SIGLEC5: variants seen among roughly 807,000 people sequenced by gnomAD.
The protein encoded by SIGLEC5 is sialic acid binding Ig like lectin 5, also known as sialic acid-binding Ig-like lectin 5.
SIGLEC5 carries 34 observed loss-of-function variants against 45.9 expected under a neutral mutation model. The ratio of observed to expected loss-of-function variants is 0.74; its 90% CI spans 0.56 to 0.99. The LOEUF (loss-of-function observed/expected upper bound fraction) is 0.99. Ranked by LOEUF, SIGLEC5 falls within the 50% of genes least tolerant of loss-of-function variation. The pLI, the probability that SIGLEC5 is intolerant of heterozygous loss-of-function variation, is 0.00. For synonymous variants in SIGLEC5, 203 were observed against 258.6 expected, an observed-to-expected ratio of 0.79 and a Z score of 2.06; for missense variants, 508 against 629.6, an observed-to-expected ratio of 0.81 and a Z score of 2.07.
intron 8 of SIGLEC5, among the ~76,000 whole-genome samples, chr19:51,615,836 G>T (rs905389546): frequency 1.3e-5 from 2 of 152,186 alleles, no homozygotes; most frequent in Admixed American, 6.5e-5. Flanking sequence ...GAGTGCAATG[G>T]CATGATCTCG....
At chr19:51,612,472 G>A in intron 8 of SIGLEC5, 50 bp from the exon 9 acceptor site, 2 of 1,292,172 alleles carry the variant, frequency 1.5e-6, no homozygotes, top group East Asian at 2.4e-5. Context: ...AGAGGCAGGT[G>A]TAGAATAATG....
At chr19:51,628,252 A>C (rs1983580474) in intron 4 of SIGLEC5, among the ~76,000 whole-genome samples, 161 bp from the exon 5 acceptor site, 2 of 152,182 alleles carry the variant, frequency 1.3e-5, no homozygotes, top group Admixed American at 6.5e-5. Context: ...TTGCACACTC[A>C]GGAAACTGAC....
chr19:51,623,749 G>A (rs553793746), intron 8 of SIGLEC5, among the ~76,000 whole-genome samples: 1 of 152,166 alleles, frequency 6.6e-6, no homozygotes, highest in South Asian at 2.1e-4. Context: ...CCAGCGATGC[G>A]GCAACTCAAT....
chr19:51,615,935 C>G (rs1983037215), intron 8 of SIGLEC5, among the ~76,000 whole-genome samples: 1 of 152,214 alleles, frequency 6.6e-6, no homozygotes, highest in African/African-American at 2.4e-5. Context: ...TGCCACCACA[C>G]CTGGCTAATT....
intron 8 of SIGLEC5, among the ~76,000 whole-genome samples, 181 bp downstream of exon 8, chr19:51,625,851 A>G (rs111639176): frequency 2.6e-5 from 4 of 152,104 alleles, no homozygotes; most frequent in African/African-American, 4.8e-5. Context: ...AAACAAACAA[A>G]CAAAACAAAG....
At chr19:51,623,135 C>G (rs1170854933) in intron 8 of SIGLEC5, among the ~76,000 whole-genome samples, 2 of 152,160 alleles carry the variant, frequency 1.3e-5, no homozygotes, top group Admixed American at 6.5e-5. Context: ...TCTATTGAAA[C>G]AGTTCATGTA....
intron 8 of SIGLEC5, among the ~76,000 whole-genome samples, chr19:51,619,878 C>T (rs1337888062): frequency 2.0e-5 from 3 of 151,528 alleles, no homozygotes; most frequent in Admixed American, 6.6e-5. Context: ...TTCTACAATC[C>T]CAAAAGTTGG....
At chr19:51,615,043 AC>A (rs1477011656) in intron 8 of SIGLEC5, among the ~76,000 whole-genome samples, 2 of 152,224 alleles carry the variant, frequency 1.3e-5, no homozygotes, top group Non-Finnish European at 2.9e-5. Context: ...TGAATGCAGG[AC>A]GTCAAACTCC....
At position 51,612,308 on chromosome 19, in the gene SIGLEC5, C is replaced by T; in HGVS notation, c.1579G>A (p.Glu527Lys). 1 of 1,613,220 alleles carries T rather than the reference C, an allele frequency of 6.2e-7. No homozygotes were observed. The highest frequency in any genetic ancestry group is 8.5e-7 in the Non-Finnish European group (1 of 1,179,746). The part of the protein sequence containing the change: ...ELHYASLSFS[E>K]MKSREPKDQE... ...TCCTTAGGCTCCCTCGACTTCATCT[C>T]AGAAAAACTAAGGGAGGCATAATGG... The change falls in exon 9 of 9, where the codon GAG (glutamate) becomes AAG (lysine). Residue 527 changes from glutamate (E) to lysine (K), a missense_variant. Physicochemically the swap from Glu to Lys is moderately conservative, Grantham distance 56 (BLOSUM62 1). This residue lies in a region of SIGLEC5 where 431 missense variants were observed against 428.8 expected (regional missense o/e 1.01). Transcript: ENST00000683636.
At chr19:51,613,643 G>A (rs1252563771) in intron 8 of SIGLEC5, among the ~76,000 whole-genome samples, 1 of 151,916 alleles carries the variant, frequency 6.6e-6, no homozygotes, top group African/African-American at 2.4e-5. Flanking sequence ...CCATATTGAG[G>A]ACTTACTAAT....
intron 8 of SIGLEC5, among the ~76,000 whole-genome samples, chr19:51,618,312 T>C (rs1410108544): frequency 6.6e-6 from 1 of 151,544 alleles, no homozygotes; most frequent in Non-Finnish European, 1.5e-5. Context: ...CATAAATACA[T>C]AAAATGTTGG....
intron 8 of SIGLEC5, among the ~76,000 whole-genome samples, chr19:51,622,613 A>G (rs1983334160): frequency 6.6e-6 from 1 of 152,246 alleles, no homozygotes; most frequent in South Asian, 2.1e-4. Flanking sequence ...AGTAGAATAG[A>G]GACCACAGAA....
At chr19:51,612,835 T>C (rs1982908974) in intron 8 of SIGLEC5, among the ~76,000 whole-genome samples, 1 of 152,182 alleles carries the variant, frequency 6.6e-6, no homozygotes, top group Admixed American at 6.5e-5. Flanking sequence ...CTGCTTAGAT[T>C]ATGCCCTGGA....
intron 8 of SIGLEC5, among the ~76,000 whole-genome samples, chr19:51,625,211 C>T (rs1568591531): frequency 2.6e-5 from 4 of 152,156 alleles, no homozygotes; most frequent in African/African-American, 4.8e-5. Flanking sequence ...CTTGCAAGGG[C>T]TCAAAGTTGT....
rs1182441090 is a variant in SIGLEC5 at position 51,630,063 on chromosome 19, C to G, written c.191G>C (p.Gly64Ala). ...PPLYVYWFRDGEIPYYAEVVA... is the reference protein window; with the variant it reads ...PPLYVYWFRDAEIPYYAEVVA... ...AACCTCAGCGTAGTATGGGATCTCC[C>G]CGTCCCGGAACCAGTAGACGTAGAG... The change falls in exon 2 of 9, where the codon GGG (glycine) becomes GCG (alanine). Residue 64 changes from glycine to alanine, a missense_variant. This residue lies in a region of SIGLEC5 where 77 missense variants were observed against 200.8 expected (regional missense o/e 0.38). Coordinates refer to ENST00000683636, the MANE Select transcript of SIGLEC5 (RefSeq NM_003830.4). The G allele has an allele frequency of 1.6e-6, 1 of 628,544 alleles. No individual in the cohort carries two copies. 38.9% of individuals were successfully genotyped at this position (628,544 alleles called of 1,614,324 possible).
chr19:51,629,387 G>C lies in SIGLEC5; in HGVS notation c.671C>G (p.Thr224Arg). Residue 224 changes from threonine to arginine, a missense_variant, in exon 3 of 9, where the codon ACG (threonine) becomes AGG (arginine). Physicochemically the swap from Thr to Arg is moderately conservative, Grantham distance 71. Transcript: ENST00000683636. ...GACATTGAGCTGGACAGTTCTCTCC[G>C]TGGTCACCTGAGCTCCTTGGCGTTT... Reference protein sequence around the residue: ...QMKRQGAQVTTERTVQLNVSY... With the variant: ...QMKRQGAQVTRERTVQLNVSY... 2 of 1,613,714 alleles carry C rather than the reference G, an allele frequency of 1.2e-6. No individual in the cohort carries two copies. Among genetic ancestry groups the C allele is most frequent in the East Asian group, 4.5e-5 (2 of 44,850 alleles).
intron 8 of SIGLEC5, chr19:51,621,041 T>C (rs572946422): frequency 6.6e-6 from 1 of 152,306 alleles, no homozygotes; most frequent in East Asian, 1.9e-4. Flanking sequence ...TCAATTTCTA[T>C]ATACTAGTTA....
intron 8 of SIGLEC5, among the ~76,000 whole-genome samples, chr19:51,622,697 C>A (rs1463103542): frequency 6.6e-6 from 1 of 152,080 alleles, no homozygotes; most frequent in Non-Finnish European, 1.5e-5. Flanking sequence ...GGGAGAAGGA[C>A]TATTCAGAAA....
intron 8 of SIGLEC5, among the ~76,000 whole-genome samples, chr19:51,622,036 G>A (rs1395416388): frequency 1.3e-5 from 2 of 152,204 alleles, no homozygotes; most frequent in Admixed American, 1.3e-4. Flanking sequence ...TTCTAAACAA[G>A]TAAATTTTTT....
Sources: allele counts gnomAD v4.1 joint callset (sites outside exome capture counted in the v4.1 genomes callset), GRCh38; gene constraint gnomAD v4.1.1; regional missense constraint gnomAD v4.1.1; transcripts MANE v1.5; gene names NCBI Gene and HGNC (gene_info 2026-07-23, HGNC 2026-07-21).